The following CPVL variants were observed in gnomAD, a reference collection of about 807,000 sequenced individuals.
CPVL encodes the protein probable serine carboxypeptidase CPVL.
A neutral mutation model predicts 63.7 loss-of-function variants in CPVL; 51 were observed. The observed-to-expected ratio is 0.80, with a 90% CI of 0.64 to 1.01. CPVL has a LOEUF of 1.01. Among genes scored for constraint, CPVL ranks in the 50% least tolerant of loss-of-function variants. The pLI, the probability that CPVL is intolerant of heterozygous loss-of-function variation, is 0.00. For synonymous variants in CPVL, 195 were observed against 206.0 expected (o/e 0.95, Z 0.46); for missense variants, 530 against 573.1 (o/e 0.92, Z 0.77).
At chr7:29,193,745 A>C (rs1258596124) in intron 1 of CPVL, 1 of 152,202 alleles carries the variant, frequency 6.6e-6, no homozygotes, top group Non-Finnish European at 1.5e-5. Context: ...CTGAAAGGGC[A>C]CAGTCGGACC....
intron 11 of CPVL, among the ~76,000 whole-genome samples, chr7:29,050,709 C>T (rs1353556907): frequency 1.3e-5 from 2 of 152,132 alleles, no homozygotes; most frequent in Admixed American, 6.5e-5. Flanking sequence ...CATCAAAATA[C>T]CACCATCATT....
At chr7:29,175,320 G>A (rs753222279) in intron 5 of CPVL, among the ~76,000 whole-genome samples, 4 of 151,862 alleles carry the variant, frequency 2.6e-5, no homozygotes, top group South Asian at 2.1e-4. Flanking sequence ...GATTACAGGC[G>A]CATGCCACCA....
chr7:29,098,837 C>A (rs1017157754), intron 3 of CPVL, among the ~76,000 whole-genome samples: 2 of 151,872 alleles, frequency 1.3e-5, no homozygotes, highest in Non-Finnish European at 2.9e-5. Flanking sequence ...TCGAGGCGGG[C>A]GGATCACCAG....
chr7:29,195,033 GC>G, intron 1 of CPVL: 2 of 1,565,090 alleles, frequency 1.3e-6, no homozygotes, highest in Non-Finnish European at 1.7e-6. Context: ...GCCGGGTCTC[GC>G]CCCACTGCCC....
At chr7:29,111,727 A>T (rs1427086051) in intron 3 of CPVL, among the ~76,000 whole-genome samples, 1 of 152,204 alleles carries the variant, frequency 6.6e-6, no homozygotes, top group African/African-American at 2.4e-5. Context: ...AAGTCAAGAA[A>T]ATATAACTCA....
chr7:29,059,765 C>G (rs916606882), intron 11 of CPVL, among the ~76,000 whole-genome samples: 9 of 152,186 alleles, frequency 5.9e-5, no homozygotes, highest in African/African-American at 2.2e-4. Context: ...AACTCTCAGA[C>G]TTGTCCCTAT....
intron 3 of CPVL, among the ~76,000 whole-genome samples, chr7:29,107,426 T>C (rs58693838): frequency 0.039 from 5,957 of 152,338 alleles, 138 homozygotes; most frequent in Middle Eastern, 0.095. Flanking sequence ...AATGTAATGC[T>C]GGGATGGAGC....
chr7:29,013,774 C>G (rs1465812251), intron 12 of CPVL, among the ~76,000 whole-genome samples: 1 of 152,320 alleles, frequency 6.6e-6, no homozygotes, highest in African/African-American at 2.4e-5. Flanking sequence ...CAGACAGCCC[C>G]CAGCTGTCAG....
At position 29,175,083 on chromosome 7, in the gene CPVL, A is replaced by G. The variant is rs189916136; in HGVS notation, c.-11+6207T>C. 3.6e-3 allele frequency among the ~76,000 whole-genome samples: 552 copies of G among 152,200 alleles called. 1 individual carries two copies. Among genetic ancestry groups the G allele is most frequent in the African/African-American group, 9.2e-3 (382 of 41,530 alleles). ...TTCCCATATGTTGTGGCAGGGACCCAGTGGGAGATGATTCAATCTTTGGAG... is the reference window on the plus strand; with the variant it reads ...TTCCCATATGTTGTGGCAGGGACCCGGTGGGAGATGATTCAATCTTTGGAG... On this transcript the variant is annotated intron_variant, in intron 5 of 16. Transcript: ENST00000409850.
intron 3 of CPVL, among the ~76,000 whole-genome samples, chr7:29,107,153 C>G (rs570132898): frequency 6.6e-6 from 1 of 152,342 alleles, no homozygotes; most frequent in East Asian, 1.9e-4. Context: ...GAGACCAAGG[C>G]ACAAGTAATA....
At chr7:29,114,035 C>T (rs888599564) in intron 2 of CPVL, among the ~76,000 whole-genome samples, 3 of 152,174 alleles carry the variant, frequency 2.0e-5, no homozygotes, top group Non-Finnish European at 2.9e-5. Context: ...ATGCCTTTGA[C>T]GGTAGGTGGA....
intron 2 of CPVL, among the ~76,000 whole-genome samples, chr7:29,119,547 A>G (rs1430996372): frequency 6.6e-6 from 1 of 151,930 alleles, no homozygotes; most frequent in African/African-American, 2.4e-5. Context: ...CTCTGATAAC[A>G]CTAAGTGATA....
chr7:29,113,372 AGGTGGACAGT>A (rs994242390), intron 2 of CPVL, among the ~76,000 whole-genome samples: 3 of 152,044 alleles, frequency 2.0e-5, no homozygotes, highest in African/African-American at 4.8e-5. Flanking sequence ...CATTGGGGAA[AGGTGGACAGT>A]GGTGGACAGT....
chr7:29,015,832 G>A (rs1337620211), intron 12 of CPVL, among the ~76,000 whole-genome samples: 3 of 152,094 alleles, frequency 2.0e-5, no homozygotes, highest in Non-Finnish European at 4.4e-5. Context: ...TACTATTACT[G>A]TTCAAAGCCT....
intron 1 of CPVL, among the ~76,000 whole-genome samples, chr7:29,188,250 G>A (rs953186478): frequency 6.6e-6 from 1 of 152,108 alleles, no homozygotes; most frequent in Admixed American, 6.5e-5. Context: ...CACAAAGTCT[G>A]TAAATAGGGA....
intron 12 of CPVL, among the ~76,000 whole-genome samples, chr7:29,017,760 T>C (rs1381862394): frequency 6.6e-6 from 1 of 152,270 alleles, no homozygotes; most frequent in Non-Finnish European, 1.5e-5. Flanking sequence ...CTGCTTTAAT[T>C]ATGGTAGGCA....
rs141582202 is a variant in CPVL, at chr7:29,171,513, A to T, written c.-11+9777T>A. 3.3e-4 allele frequency among the ~76,000 whole-genome samples: 51 copies of T among 152,316 alleles called. 1 individual carries two copies. The East Asian group carries it at 9.7e-3, about 29-fold the overall frequency. On this transcript the variant is annotated intron_variant, in intron 5 of 16. Coordinates refer to the CPVL transcript ENST00000409850. The stretch of plus-strand genomic sequence containing the variant: ...AGGATTCTACCCAGAATCCTCCTCA[A>T]TTCAGCCCCGAGCTTTCTTTGAAGG...
At chr7:29,127,471 A>G (rs2128651481) in intron 1 of CPVL, 1 of 152,348 alleles carries the variant, frequency 6.6e-6, no homozygotes, top group East Asian at 1.9e-4. Context: ...ACCGATCCTC[A>G]GAGAATCTAA....
chr7:29,108,887 T>C (rs192473034), intron 3 of CPVL, among the ~76,000 whole-genome samples: 120 of 152,332 alleles, frequency 7.9e-4, no homozygotes, highest in African/African-American at 2.7e-3. Flanking sequence ...TCAAGTGCCT[T>C]CCATGACTCG....
Sources: gnomAD v4.1 joint callset for allele counts (sites outside exome capture counted in the v4.1 genomes callset) on GRCh38, gnomAD v4.1.1 for gene constraint, MANE v1.5 for transcripts, NCBI Gene and HGNC (gene_info 2026-07-23, HGNC 2026-07-21) for gene names.